Variants in NMI observed in about 807,000 individuals in gnomAD.
NMI encodes N-myc-interactor.
Under a neutral mutation model 34.3 loss-of-function variants are expected in NMI, and 39 were observed. That is an observed-to-expected ratio of 1.14 (90% CI 0.88 to 1.49). The LOEUF (loss-of-function observed/expected upper bound fraction) is 1.49. Ranked by LOEUF, NMI falls within the 40% of genes most tolerant of loss-of-function variation. The pLI, the probability that NMI is intolerant of heterozygous loss-of-function variation, is 0.00. For synonymous variants in NMI, 113 were observed against 120.3 expected, an observed-to-expected ratio of 0.94 and a Z score of 0.40; for missense variants, 339 against 358.1, an observed-to-expected ratio of 0.95 and a Z score of 0.43.
intron 4 of NMI, among the ~76,000 whole-genome samples, chr2:151,276,124 C>T (rs1199495441): frequency 6.6e-6 from 1 of 152,098 alleles, no homozygotes; most frequent in Non-Finnish European, 1.5e-5. Context: ...GTGATCATAG[C>T]TCACTGTAAC....
At chr2:151,286,813 A>G (rs959075504) in intron 1 of NMI, among the ~76,000 whole-genome samples, 1 of 152,036 alleles carries the variant, frequency 6.6e-6, no homozygotes, top group Non-Finnish European at 1.5e-5. Context: ...ATAATCATCC[A>G]CACTTCCACA....
At chr2:151,286,823 A>ACCTT (rs1302541513) in intron 1 of NMI, among the ~76,000 whole-genome samples, 1 of 152,052 alleles carries the variant, frequency 6.6e-6, no homozygotes, top group Non-Finnish European at 1.5e-5. Flanking sequence ...ACACTTCCAC[A>ACCTT]TCTCCCTTTC....
rs1337331435 is a variant in NMI, at chr2:151,270,572, TAAACATA to T, written c.*114_*120del. 4 of 760,144 alleles carry T rather than the reference TAAACATA, an allele frequency of 5.3e-6. No homozygotes were observed. The highest frequency in any genetic ancestry group is 8.3e-6 in the Non-Finnish European group (4 of 480,772). The allele number at this position is 760,144 out of a possible 1,614,324, so 47.1% of individuals were successfully genotyped here. ...GAAACATGGAAATAAGTTTTGTATC[TAAACATA>T]AATGGATGGTAAAAATTAAAGTTTT... is the stretch of plus-strand genomic sequence containing the variant. On this transcript the variant is annotated 3_prime_UTR_variant, in exon 8 of 8. Coordinates refer to ENST00000243346, the MANE Select transcript of NMI (RefSeq NM_004688.3).
chr2:151,272,925 G>T (rs1683213907), intron 6 of NMI, among the ~76,000 whole-genome samples: 1 of 152,148 alleles, frequency 6.6e-6, no homozygotes, highest in Non-Finnish European at 1.5e-5. Flanking sequence ...GTTACCAGGG[G>T]CTGGAAGAAG....
At chr2:151,274,073 C>T (rs1055824950) in intron 6 of NMI, among the ~76,000 whole-genome samples, 6 of 151,888 alleles carry the variant, frequency 4.0e-5, no homozygotes, top group Admixed American at 2.6e-4. Context: ...CCAGGAGCGG[C>T]GGCTCATGCT....
intron 1 of NMI, among the ~76,000 whole-genome samples, chr2:151,288,362 T>G (rs772981164): frequency 2.0e-5 from 3 of 152,174 alleles, no homozygotes; most frequent in Non-Finnish European, 2.9e-5. Context: ...CGGAAGAACT[T>G]TCAGAGGCGC....
At chr2:151,285,397 AGATAGAT>A (rs1683476656) in intron 1 of NMI, among the ~76,000 whole-genome samples, 1 of 150,666 alleles carries the variant, frequency 6.6e-6, no homozygotes. Flanking sequence ...ATAGATAGAT[AGATAGAT>A]AAATAGACAG....
chr2:151,283,891 AGATAGTTTC>A (rs747995846), intron 1 of NMI, among the ~76,000 whole-genome samples: 5 of 152,256 alleles, frequency 3.3e-5, no homozygotes, highest in Non-Finnish European at 7.3e-5. Context: ...TAGAAAGCAC[AGATAGTTTC>A]ATAGAATATT....
At chr2:151,285,478 C>A (rs1217361147) in intron 1 of NMI, among the ~76,000 whole-genome samples, 1 of 151,642 alleles carries the variant, frequency 6.6e-6, no homozygotes, top group Non-Finnish European at 1.5e-5. Flanking sequence ...ATCCTAGCTA[C>A]TCGGGAGGCT....
At position 151,271,640 on chromosome 2, in the gene NMI, AGT is replaced by A. The variant is rs763653041; in HGVS notation, c.725_726del (p.His242LeufsTer12). 1 of 1,518,616 alleles carries A rather than the reference AGT, an allele frequency of 6.6e-7. No individual in the cohort carries two copies. Among genetic ancestry groups the A allele is most frequent in the Non-Finnish European group, 9.1e-7 (1 of 1,095,242 alleles). The allele number at this position is 1,518,616 out of a possible 1,614,324, so 94.1% of individuals were successfully genotyped here. ...GATGACTTTACCTGATACTTTTTCA[AGT>A]GTATTTCTGTGTATGGAGAAACAGT... ...RVTVSPYTEI[H>X]LKKYQIFSGT... is the part of the protein sequence containing the mutation. On this transcript the variant is annotated frameshift_variant, in exon 7 of 8. Coordinates refer to ENST00000243346, the MANE Select transcript of NMI (RefSeq NM_004688.3). LOFTEE classifies it low-confidence loss of function (END_TRUNC).
At chr2:151,271,070 AC>A (rs1157487004) in intron 7 of NMI, among the ~76,000 whole-genome samples, 195 bp from the exon 8 acceptor site, 1 of 152,244 alleles carries the variant, frequency 6.6e-6, no homozygotes, top group Non-Finnish European at 1.5e-5. Flanking sequence ...ATTATGGAAC[AC>A]AGAGGAAAGG....
intron 2 of NMI, among the ~76,000 whole-genome samples, chr2:151,282,447 G>GTGT (rs1293995525): frequency 6.6e-6 from 1 of 152,164 alleles, no homozygotes; most frequent in South Asian, 2.1e-4. Flanking sequence ...TTTGTTGTTG[G>GTGT]TGTTGTTGTT....
At chr2:151,281,876 G>A (rs769510462) in intron 3 of NMI, 72 bp downstream of exon 3, 13 of 772,214 alleles carry the variant, frequency 1.7e-5, no homozygotes, top group Non-Finnish European at 2.0e-5. Context: ...TGAATTTTGT[G>A]TAATTAAAAT....
In NMI at chr2:151,286,923, T is replaced by G. The variant is rs140636600; in HGVS notation, c.-7+2670A>C. ...TTTCCCCTGTGCACATTAATAAATT[T>G]GTATGCCATTTCTCCTTTTTAATCT... On this transcript the variant is annotated intron_variant, in intron 1 of 7. Coordinates refer to ENST00000243346, the MANE Select transcript of NMI (RefSeq NM_004688.3). 2.0e-5 allele frequency among the ~76,000 whole-genome samples: 3 copies of G among 152,300 alleles called. No individual in the cohort carries two copies. In the East Asian group the frequency reaches 5.8e-4, roughly 29 times the overall value.
At chr2:151,285,589 G>GA (rs199606248) in intron 1 of NMI, among the ~76,000 whole-genome samples, 24,173 of 101,850 alleles carry the variant, frequency 0.24, 2,661 homozygotes, top group African/African-American at 0.35. Context: ...CTCCATCTCA[G>GA]AAAAAAAAAA....
rs1466374912 is a variant in NMI at position 151,270,696 on chromosome 2, T to C, written c.921A>G (p.Glu307=). Residue 307 remains glutamate (E), a synonymous_variant, in exon 8 of 8, where the codon GAA becomes GAG. Coordinates refer to ENST00000243346, the MANE Select transcript of NMI (RefSeq NM_004688.3). The part of the protein sequence containing the change: ...LGQPHIAYFE[E] ...AGTTTTCATGATTCTGTTAAGTCTATTCTTCAAAGTATGCTATGTGAGGTT... is the reference window on the plus strand; with the variant it reads ...AGTTTTCATGATTCTGTTAAGTCTACTCTTCAAAGTATGCTATGTGAGGTT... 2 of 1,610,678 alleles carry C rather than the reference T, an allele frequency of 1.2e-6. No homozygotes were observed. The highest frequency in any genetic ancestry group is 1.7e-6 in the Non-Finnish European group (2 of 1,177,944).
At chr2:151,287,137 A>G (rs1214894281) in intron 1 of NMI, among the ~76,000 whole-genome samples, 3 of 152,110 alleles carry the variant, frequency 2.0e-5, no homozygotes, top group African/African-American at 7.2e-5. Context: ...TGTAGGAAAT[A>G]TATACTCAAG....
In NMI at chr2:151,282,713, G is replaced by A. The variant is rs138815408; in HGVS notation, c.81+155C>T. ...ATAAAAATATGACACTTCTTGTAAG[G>A]CTTAAATAACATAATGGAAGTTAAA... On this transcript the variant is annotated intron_variant, in intron 2 of 7. Transcript: ENST00000243346. The A allele has an allele frequency of 2.2e-3, 980 of 450,608 alleles. 15 individuals carry two copies. The highest frequency in any genetic ancestry group is 0.018 in the African/African-American group (897 of 48,984). The allele number at this position is 450,608 out of a possible 1,614,324, so 27.9% of individuals were successfully genotyped here. A position where few individuals can be genotyped will look rare whatever the true frequency, so the allele number is the denominator to read the frequency against.
chr2:151,282,086 G>C, intron 2 of NMI, 43 bp from the exon 3 acceptor site: 1 of 869,176 alleles, frequency 1.2e-6, no homozygotes, highest in Non-Finnish European at 1.9e-6. Context: ...AATAGCCCCT[G>C]AACTCATTTT....
Sources: allele counts gnomAD v4.1 joint callset (sites outside exome capture counted in the v4.1 genomes callset), GRCh38; gene constraint gnomAD v4.1.1; transcripts MANE v1.5; gene names NCBI Gene and HGNC (gene_info 2026-07-23, HGNC 2026-07-21).